The following CACNA1E variants were observed in gnomAD, a reference collection of about 807,000 sequenced individuals.
CACNA1E encodes calcium voltage-gated channel subunit alpha1 E, also known as voltage-dependent R-type calcium channel subunit alpha-1E.
CACNA1E carries 40 observed loss-of-function variants against 259.2 expected under a neutral mutation model. The observed-to-expected ratio is 0.15, with a 90% CI of 0.12 to 0.20. The LOEUF (loss-of-function observed/expected upper bound fraction) is 0.20, where lower values mean the gene tolerates loss of function less well. Ranked by LOEUF, CACNA1E falls within the 10% of genes least tolerant of loss-of-function variation. The pLI, the probability that CACNA1E is intolerant of heterozygous loss-of-function variation, is 1.00. For synonymous variants in CACNA1E, 1,104 were observed against 1,138.5 expected (o/e 0.97, Z 0.61); for missense variants, 1,874 against 3,040.1 (o/e 0.62, Z 9.02).
chr1:181,435,546 G>A (rs1280915596), intron 2 of CACNA1E, among the ~76,000 whole-genome samples: 1 of 151,952 alleles, frequency 6.6e-6, no homozygotes. Context: ...TAATCCTTCA[G>A]GTCTGGTCTC....
At chr1:181,638,078 G>A (rs190278875) in intron 6 of CACNA1E, among the ~76,000 whole-genome samples, 1 of 152,274 alleles carries the variant, frequency 6.6e-6, no homozygotes, top group African/African-American at 2.4e-5. Context: ...GGAGAGACAG[G>A]GCAAGATGTG....
chr1:181,654,903 G>A (rs568582988), intron 7 of CACNA1E, among the ~76,000 whole-genome samples: 24 of 147,098 alleles, frequency 1.6e-4, no homozygotes, highest in African/African-American at 6.0e-4. Flanking sequence ...AGAATGGCGT[G>A]AACCCCAGGG....
intron 6 of CACNA1E, among the ~76,000 whole-genome samples, chr1:181,617,283 T>A (rs1289144594): frequency 1.7e-5 from 2 of 115,020 alleles, no homozygotes; most frequent in Non-Finnish European, 1.9e-5. Context: ...ATGAGCAGCA[T>A]TTTTTTTTTT....
chr1:181,766,856 T>C (rs1659063514), intron 35 of CACNA1E, among the ~76,000 whole-genome samples: 1 of 152,162 alleles, frequency 6.6e-6, no homozygotes, highest in Non-Finnish European at 1.5e-5. Flanking sequence ...CAGATCATGG[T>C]GCTAATTCAT....
At chr1:181,591,183 A>C (rs551199971) in intron 6 of CACNA1E, among the ~76,000 whole-genome samples, 39 of 152,366 alleles carry the variant, frequency 2.6e-4, no homozygotes, top group African/African-American at 8.9e-4. Context: ...AAGACCACCC[A>C]CAGTCACACT....
Position 181,798,986 on chromosome 1 carries a change from C to A in CACNA1E, c.*152C>A. 1.5e-6 allele frequency: 1 copy of A among 657,102 alleles called. No homozygotes were observed. Among genetic ancestry groups the A allele is most frequent in the Admixed American group, 3.5e-5 (1 of 28,650 alleles). 40.7% of individuals were successfully genotyped at this position (657,102 alleles called of 1,614,324 possible). ...CAGAGAAGAGGAAGTAAAGGACAAT[C>A]AGAACACCAGTCAAACCCACCAAAT... On this transcript the variant is annotated 3_prime_UTR_variant, in exon 48 of 48. Coordinates refer to ENST00000367573, the MANE Select transcript of CACNA1E (RefSeq NM_001205293.3). This position sits in a 1 kb window ranked among gnomAD's most constrained non-coding sequence, Gnocchi z 4.2.
intron 14 of CACNA1E, 133 bp downstream of exon 14, chr1:181,720,470 A>C (rs1654319148): frequency 1.1e-6 from 1 of 937,452 alleles, no homozygotes; most frequent in Non-Finnish European, 1.6e-6. Flanking sequence ...TTAACCACTG[A>C]GTGAGTTCAT....
chr1:181,777,217 G>A (rs1196307405), intron 38 of CACNA1E, among the ~76,000 whole-genome samples: 3 of 152,212 alleles, frequency 2.0e-5, no homozygotes, highest in African/African-American at 4.8e-5. Flanking sequence ...TTACTCCAAA[G>A]GAACTGTTCT....
At chr1:181,566,985 C>T (rs1649897814) in intron 3 of CACNA1E, among the ~76,000 whole-genome samples, 1 of 152,120 alleles carries the variant, frequency 6.6e-6, no homozygotes, top group Admixed American at 6.5e-5. Context: ...AAATACACTA[C>T]TACCATGCAT....
chr1:181,576,069 C>T (rs770797048), intron 3 of CACNA1E, among the ~76,000 whole-genome samples: 1 of 152,206 alleles, frequency 6.6e-6, no homozygotes, highest in Non-Finnish European at 1.5e-5. Context: ...GTGGAAGACT[C>T]CACTGCCCCA....
intron 1 of CACNA1E, among the ~76,000 whole-genome samples, chr1:181,397,540 C>T (rs191515216): frequency 2.0e-5 from 3 of 152,210 alleles, no homozygotes; most frequent in East Asian, 1.9e-4. Flanking sequence ...TCGAGTGATC[C>T]GCCTGCCTCG....
At chr1:181,693,128 C>CAAAAAAAAAAAAAAAAAAAAA (rs61662957) in intron 7 of CACNA1E, among the ~76,000 whole-genome samples, 6 of 97,848 alleles carry the variant, frequency 6.1e-5, no homozygotes, top group Non-Finnish European at 8.0e-5. Context: ...CTATCTAAAG[C>CAAAAAAAAAAAAAAAAAAAAA]AAAAAAAAAA....
intron 25 of CACNA1E, among the ~76,000 whole-genome samples, chr1:181,740,622 G>A (rs1656481487): frequency 6.6e-6 from 1 of 152,140 alleles, no homozygotes; most frequent in Non-Finnish European, 1.5e-5. Context: ...ACTGGACTGT[G>A]TCCACTGCTT....
chr1:181,704,263 G>A (rs111649292), intron 7 of CACNA1E, among the ~76,000 whole-genome samples: 5 of 152,118 alleles, frequency 3.3e-5, no homozygotes, highest in African/African-American at 1.2e-4. Flanking sequence ...CTGAAAAATG[G>A]GAGAAATGGT....
intron 3 of CACNA1E, among the ~76,000 whole-genome samples, chr1:181,525,173 A>C (rs1026042339): frequency 2.0e-5 from 3 of 152,140 alleles, no homozygotes; most frequent in African/African-American, 7.2e-5. Context: ...AATGTGCTCT[A>C]CTCTGTGCAA....
intron 1 of CACNA1E, among the ~76,000 whole-genome samples, chr1:181,332,902 G>A (rs184784241): frequency 3.9e-5 from 6 of 152,274 alleles, no homozygotes; most frequent in East Asian, 3.9e-4. Flanking sequence ...GATCACCCTC[G>A]ATCAAGGCTA....
intron 1 of CACNA1E, among the ~76,000 whole-genome samples, chr1:181,359,321 C>T (rs931451565): frequency 2.0e-5 from 3 of 152,050 alleles, no homozygotes; most frequent in African/African-American, 7.2e-5. Flanking sequence ...GTAATTATAC[C>T]TGAGAGGGTT....
chr1:181,793,879 G>A lies in CACNA1E; in HGVS notation c.6027+86G>A, dbSNP rs61814578. 25,742 of 1,412,916 alleles carry A rather than the reference G, an allele frequency of 0.018. 281 individuals are homozygous for A. The highest frequency in any genetic ancestry group is 0.031 in the Middle Eastern group (144 of 4,634). 87.5% of individuals were successfully genotyped at this position (1,412,916 alleles called of 1,614,324 possible). A position where few individuals can be genotyped will look rare whatever the true frequency, so the allele number is the denominator to read the frequency against. On this transcript the variant is annotated intron_variant, in intron 45 of 47. Transcript: ENST00000367573. ...AATAATATCTGATATTTGCAGGTGA[G>A]CCGTTGACTTGCCCGCACCCCTTCC...
At chr1:181,358,765 C>G (rs536003486) in intron 1 of CACNA1E, among the ~76,000 whole-genome samples, 1 of 152,296 alleles carries the variant, frequency 6.6e-6, no homozygotes, top group South Asian at 2.1e-4. Context: ...TATAAACTGT[C>G]CTCCCTCAGA....
Sources: gnomAD v4.1 joint callset for allele counts (sites outside exome capture counted in the v4.1 genomes callset) on GRCh38, gnomAD v4.1.1 for gene constraint, Gnocchi (gnomAD v3.1) non-coding constraint, MANE v1.5 for transcripts, NCBI Gene and HGNC (gene_info 2026-07-23, HGNC 2026-07-21) for gene names.